Variants in TENT4B observed in about 807,000 individuals in gnomAD.
TENT4B encodes the protein terminal nucleotidyltransferase 4B.
TENT4B carries 10 observed loss-of-function variants against 75.0 expected under a neutral mutation model. The ratio of observed to expected loss-of-function variants is 0.13; its 90% confidence interval spans 0.08 to 0.23. The LOEUF is 0.23. TENT4B is among the 10% of genes least tolerant of loss of function. The pLI, the probability that TENT4B is intolerant of heterozygous loss-of-function variation, is 1.00. For missense variants in TENT4B, 579 were observed against 893.8 expected (o/e 0.65, Z 4.49); for synonymous variants, 350 against 357.7 (o/e 0.98, Z 0.24).
Position 50,229,722 on chromosome 16 carries a change from G to A in TENT4B, c.*394G>A. 1.0e-6 allele frequency: 1 copy of A among 989,238 alleles called. No individual in the cohort carries two copies. The highest frequency in any genetic ancestry group is 1.2e-6 in the Non-Finnish European group (1 of 832,476). 61.3% of individuals were successfully genotyped at this position (989,238 alleles called of 1,614,324 possible). On this transcript the variant is annotated 3_prime_UTR_variant, in exon 12 of 12. Transcript: ENST00000561678. ...CAGTATCAGAGGATGAGGTGGGGAA[G>A]GAAAACAAAGGTATCTGATAGGAAG...
At chr16:50,179,770 T>A (rs2038376924) in intron 1 of TENT4B, among the ~76,000 whole-genome samples, 1 of 152,252 alleles carries the variant, frequency 6.6e-6, no homozygotes. Flanking sequence ...TGACTTTATC[T>A]TTACCTGAAT....
At chr16:50,192,039 C>T (rs1387527932) in intron 1 of TENT4B, among the ~76,000 whole-genome samples, 1 of 151,912 alleles carries the variant, frequency 6.6e-6, no homozygotes, top group Non-Finnish European at 1.5e-5. Flanking sequence ...GTCAGGAGTT[C>T]GATACCAGCC....
intron 1 of TENT4B, among the ~76,000 whole-genome samples, chr16:50,161,718 A>C (rs1250257865): frequency 6.6e-6 from 1 of 152,128 alleles, no homozygotes; most frequent in Admixed American, 6.6e-5. Flanking sequence ...TGTTCCCTTC[A>C]CCAAGTTTCA....
chr16:50,184,785 A>T (rs766841524), intron 1 of TENT4B, among the ~76,000 whole-genome samples: 8 of 151,912 alleles, frequency 5.3e-5, no homozygotes, highest in Non-Finnish European at 8.8e-5. Context: ...CGCAGGCTGG[A>T]GTGTAGTAGG....
chr16:50,198,115 T>C (rs1428587375), intron 1 of TENT4B, among the ~76,000 whole-genome samples: 2 of 86,770 alleles, frequency 2.3e-5, no homozygotes, highest in East Asian at 6.4e-4. Flanking sequence ...ACAGAAAATA[T>C]AATTAAAAAA....
In TENT4B at chr16:50,232,625, A is replaced by G. The variant is rs888928872; in HGVS notation, c.*3297A>G. 8.1e-6 allele frequency: 8 copies of G among 985,146 alleles called. No individual in the cohort carries two copies. Among genetic ancestry groups the G allele is most frequent in the Non-Finnish European group, 9.6e-6 (8 of 829,904 alleles). The allele number at this position is 985,146 out of a possible 1,614,324, so 61.0% of individuals were successfully genotyped here. ...AACACTAGAGGGTCAGAAAAGAGTA[A>G]TGACCACCGTGACGTGCAGGATTCT... On this transcript the variant is annotated 3_prime_UTR_variant, in exon 12 of 12. Transcript: ENST00000561678.
Position 50,233,248 on chromosome 16 carries a change from C to G in TENT4B, c.*3920C>G, listed in dbSNP as rs1363561218. 1.0e-6 allele frequency: 1 copy of G among 985,262 alleles called. No homozygotes were observed. Among genetic ancestry groups the G allele is most frequent in the East Asian group, 1.1e-4 (1 of 8,818 alleles). The allele number at this position is 985,262 out of a possible 1,614,324, so 61.0% of individuals were successfully genotyped here. A position where few individuals can be genotyped will look rare whatever the true frequency, so the allele number is the denominator to read the frequency against. ...GGAACAAAGATTTATATATGAAATT[C>G]CTTAAAAGAGTTCATCTTGCCTTGG... On this transcript the variant is annotated 3_prime_UTR_variant, in exon 12 of 12. Coordinates refer to ENST00000561678, the MANE Select transcript of TENT4B (RefSeq NM_001365324.3).
intron 7 of TENT4B, among the ~76,000 whole-genome samples, chr16:50,223,771 T>C (rs769783325): frequency 2.6e-5 from 4 of 152,210 alleles, no homozygotes; most frequent in Non-Finnish European, 5.9e-5. Flanking sequence ...GCAGCAAGCA[T>C]AGTAATATAT....
intron 1 of TENT4B, among the ~76,000 whole-genome samples, chr16:50,184,397 G>A (rs772028600): frequency 1.3e-5 from 2 of 152,176 alleles, no homozygotes; most frequent in African/African-American, 2.4e-5. Context: ...GGCCGGGCGC[G>A]GTGGCTCACG....
chr16:50,186,245 C>T (rs932337374), intron 1 of TENT4B, among the ~76,000 whole-genome samples: 1 of 151,940 alleles, frequency 6.6e-6, no homozygotes, highest in Non-Finnish European at 1.5e-5. Context: ...AATCACCATT[C>T]TACTTTCTAT....
chr16:50,212,817 C>G (rs902001237), intron 2 of TENT4B, among the ~76,000 whole-genome samples: 2 of 152,154 alleles, frequency 1.3e-5, no homozygotes, highest in Admixed American at 1.3e-4. Context: ...ATGCCATCAG[C>G]CATTCTATGA....
rs1428880646 is a variant in TENT4B at position 50,154,056 on chromosome 16, C to T, written c.435C>T (p.Val145=). Residue 145 remains valine, a synonymous_variant, in exon 1 of 12, where the codon GTC becomes GTT. Coordinates refer to ENST00000561678, the MANE Select transcript of TENT4B (RefSeq NM_001365324.3). ...CGTCCCCGCACCCTTCGGCCGCCGT[C>T]CCCGCCGCCGATCCAGCCGATTCGG... ...ASSSPHPSAA[V]PAADPADSAS... 2 of 1,531,414 alleles carry T rather than the reference C, an allele frequency of 1.3e-6. No individual in the cohort carries two copies. The highest frequency in any genetic ancestry group is 2.0e-5 in the Admixed American group (1 of 50,230). The allele number at this position is 1,531,414 out of a possible 1,614,324, so 94.9% of individuals were successfully genotyped here. A position where few individuals can be genotyped will look rare whatever the true frequency, so the allele number is the denominator to read the frequency against.
At chr16:50,225,430 T>C in intron 10 of TENT4B, 145 bp downstream of exon 10, 4 of 878,026 alleles carry the variant, frequency 4.6e-6, no homozygotes, top group Non-Finnish European at 6.5e-6. Flanking sequence ...GTACATTTTC[T>C]CAACATTTTG....
intron 1 of TENT4B, among the ~76,000 whole-genome samples, chr16:50,173,714 A>G (rs2038248968): frequency 6.6e-6 from 1 of 152,044 alleles, no homozygotes; most frequent in South Asian, 2.1e-4. Flanking sequence ...TGTTCATTGA[A>G]ATGGAATCTC....
intron 10 of TENT4B, among the ~76,000 whole-genome samples, chr16:50,226,860 G>T (rs947303529): frequency 6.6e-6 from 1 of 152,150 alleles, no homozygotes; most frequent in Non-Finnish European, 1.5e-5. Context: ...AAGAAACCCT[G>T]CATTTAGCAG....
intron 1 of TENT4B, among the ~76,000 whole-genome samples, chr16:50,171,966 C>T (rs1021749007): frequency 2.6e-5 from 4 of 151,622 alleles, no homozygotes; most frequent in South Asian, 2.1e-4. Flanking sequence ...AGTGAGCCAA[C>T]GGGGTGGAGG....
At chr16:50,189,875 G>A (rs1197203067) in intron 1 of TENT4B, among the ~76,000 whole-genome samples, 5 of 151,596 alleles carry the variant, frequency 3.3e-5, no homozygotes, top group Admixed American at 2.6e-4. Context: ...TCAGGAGTTC[G>A]AGACCAGCCT....
chr16:50,161,537 A>G (rs1393801975), intron 1 of TENT4B, among the ~76,000 whole-genome samples: 4 of 152,232 alleles, frequency 2.6e-5, no homozygotes, highest in African/African-American at 4.8e-5. Context: ...TAATGTAATA[A>G]AAGTTTCAAT....
intron 1 of TENT4B, among the ~76,000 whole-genome samples, chr16:50,161,950 C>T (rs1454084333): frequency 6.6e-6 from 1 of 152,128 alleles, no homozygotes; most frequent in Non-Finnish European, 1.5e-5. Context: ...TCAGGGCTCC[C>T]TATGCTACCA....
Sources: gnomAD v4.1 joint callset for allele counts (sites outside exome capture counted in the v4.1 genomes callset) on GRCh38, gnomAD v4.1.1 for gene constraint, MANE v1.5 for transcripts, NCBI Gene and HGNC (gene_info 2026-07-23, HGNC 2026-07-21) for gene names.